ARHGAP24: variants seen among roughly 807,000 people sequenced by gnomAD.
ARHGAP24 encodes rho GTPase-activating protein 24.
Under a neutral mutation model 76.4 loss-of-function variants are expected in ARHGAP24, and 50 were observed. That is an observed-to-expected ratio of 0.65 (90% CI 0.52 to 0.83). ARHGAP24 has a LOEUF of 0.83. Among genes scored for constraint, ARHGAP24 ranks in the 40% least tolerant of loss-of-function variants. ARHGAP24 has a pLI of 0.00. For missense variants in ARHGAP24, 930 were observed against 914.2 expected (o/e 1.02, Z -0.22); for synonymous variants, 345 against 323.3 (o/e 1.07, Z -0.72).
At chr4:85,845,428 C>T (rs116819258) in intron 3 of ARHGAP24, among the ~76,000 whole-genome samples, 1 of 152,142 alleles carries the variant, frequency 6.6e-6, no homozygotes, top group Admixed American at 6.6e-5. Context: ...TAGTAAGTAG[C>T]AGTGTCTCAT....
chr4:85,586,615 T>C (rs556170653), intron 2 of ARHGAP24, among the ~76,000 whole-genome samples: 2 of 152,062 alleles, frequency 1.3e-5, no homozygotes, highest in Non-Finnish European at 2.9e-5. Flanking sequence ...AAGTTGAGAA[T>C]TGGGCCGGGC....
intron 3 of ARHGAP24, among the ~76,000 whole-genome samples, chr4:85,824,039 A>G (rs1199251964): frequency 6.6e-6 from 1 of 152,152 alleles, no homozygotes; most frequent in Non-Finnish European, 1.5e-5. Context: ...AAAAAAACAC[A>G]ATTATATTTA....
intron 1 of ARHGAP24, among the ~76,000 whole-genome samples, chr4:85,566,332 A>C (rs987974824): frequency 6.6e-5 from 10 of 152,204 alleles, no homozygotes; most frequent in Non-Finnish European, 1.5e-4. Flanking sequence ...AACTGTACTT[A>C]GTGTTAAACC....
intron 2 of ARHGAP24, among the ~76,000 whole-genome samples, chr4:85,684,562 A>G (rs959667967): frequency 6.6e-6 from 1 of 152,146 alleles, no homozygotes; most frequent in African/African-American, 2.4e-5. Flanking sequence ...GTCTAATTTC[A>G]TTTTATGCTG....
rs149493846 is a variant in ARHGAP24, at chr4:85,815,276, T to G, written c.268+93304T>G. 1.9e-3 allele frequency among the ~76,000 whole-genome samples: 294 copies of G among 152,330 alleles called. 1 individual carries two copies. Among genetic ancestry groups the G allele is most frequent in the South Asian group, 0.014 (68 of 4,826 alleles). On this transcript the variant is annotated intron_variant, in intron 3 of 9. Transcript: ENST00000395184. ...TTGGCTTCTCATTACCTATGCAAAT[T>G]TCTGCATCTTGAATTTCTCCTCAGA...
chr4:85,914,572 A>G (rs540259774), intron 3 of ARHGAP24, among the ~76,000 whole-genome samples: 5 of 152,344 alleles, frequency 3.3e-5, no homozygotes, highest in Admixed American at 3.3e-4. Context: ...AAAGTTCAAT[A>G]TAATTTCACA....
At chr4:85,994,217 G>C (rs1389889254) in intron 8 of ARHGAP24, among the ~76,000 whole-genome samples, 1 of 152,126 alleles carries the variant, frequency 6.6e-6, no homozygotes, top group Non-Finnish European at 1.5e-5. Flanking sequence ...AATAAACATT[G>C]TATTATGATT....
intron 3 of ARHGAP24, among the ~76,000 whole-genome samples, chr4:85,786,457 G>A (rs924573444): frequency 1.9e-4 from 29 of 152,174 alleles, no homozygotes; most frequent in African/African-American, 7.0e-4. Flanking sequence ...TGTAGCTCTT[G>A]AAATGGGAAT....
intron 2 of ARHGAP24, among the ~76,000 whole-genome samples, chr4:85,698,576 T>A (rs1723956368): frequency 6.6e-6 from 1 of 152,224 alleles, no homozygotes; most frequent in African/African-American, 2.4e-5. Context: ...AATCTCTTCC[T>A]GCTGCCTTAG....
intron 2 of ARHGAP24, among the ~76,000 whole-genome samples, chr4:85,670,552 T>C (rs925963063): frequency 1.3e-5 from 2 of 152,194 alleles, no homozygotes; most frequent in Non-Finnish European, 2.9e-5. Flanking sequence ...CTTCTCTTTG[T>C]GTCTCTTTTC....
At chr4:85,950,452 A>T (rs1737545194) in intron 5 of ARHGAP24, among the ~76,000 whole-genome samples, 1 of 151,984 alleles carries the variant, frequency 6.6e-6, no homozygotes, top group Non-Finnish European at 1.5e-5. Flanking sequence ...ATGAGTTATG[A>T]TCATACTGCT....
intron 1 of ARHGAP24, among the ~76,000 whole-genome samples, chr4:85,478,825 C>T (rs928819387): frequency 7.9e-5 from 12 of 152,176 alleles, no homozygotes; most frequent in African/African-American, 2.9e-4. Flanking sequence ...GAAAACTTAC[C>T]CAATTCCGTG....
chr4:85,872,973 A>G (rs896473688), intron 3 of ARHGAP24, among the ~76,000 whole-genome samples: 3 of 152,152 alleles, frequency 2.0e-5, no homozygotes, highest in Non-Finnish European at 4.4e-5. Flanking sequence ...TTAATGGCTT[A>G]TTTTGATTGG....
chr4:85,622,889 T>A (rs1578085544), intron 2 of ARHGAP24, among the ~76,000 whole-genome samples: 1 of 152,208 alleles, frequency 6.6e-6, no homozygotes, highest in Admixed American at 6.5e-5. Context: ...GCTGCATAAA[T>A]GTCTTCTTTT....
chr4:85,593,921 G>A (rs1728214773), intron 2 of ARHGAP24, among the ~76,000 whole-genome samples: 1 of 152,022 alleles, frequency 6.6e-6, no homozygotes, highest in Admixed American at 6.6e-5. Context: ...GCTCAGAATA[G>A]CTTTGGCTAT....
chr4:85,499,758 G>A (rs1266018977), intron 1 of ARHGAP24, among the ~76,000 whole-genome samples: 1 of 152,196 alleles, frequency 6.6e-6, no homozygotes, highest in Non-Finnish European at 1.5e-5. Context: ...GACTCATCTA[G>A]GTCTGTGCTG....
chr4:85,740,350 G>C (rs543569520), intron 3 of ARHGAP24, among the ~76,000 whole-genome samples: 1 of 151,784 alleles, frequency 6.6e-6, no homozygotes, highest in Admixed American at 6.6e-5. Flanking sequence ...AGCCTCCTGA[G>C]TAGCTGGGAT....
At chr4:85,961,871 T>C (rs1738278526) in intron 5 of ARHGAP24, among the ~76,000 whole-genome samples, 1 of 152,062 alleles carries the variant, frequency 6.6e-6, no homozygotes, top group Admixed American at 6.6e-5. Flanking sequence ...AAGTCCTTGG[T>C]TACATAATCT....
chr4:85,825,594 A>G (rs1176769913), intron 3 of ARHGAP24, among the ~76,000 whole-genome samples: 1 of 152,206 alleles, frequency 6.6e-6, no homozygotes, highest in Non-Finnish European at 1.5e-5. Context: ...ATACAGAAAG[A>G]CTTCTGAACT....
Sources: gnomAD v4.1 joint callset for allele counts (sites outside exome capture counted in the v4.1 genomes callset) on GRCh38, gnomAD v4.1.1 for gene constraint, MANE v1.5 for transcripts, NCBI Gene and HGNC (gene_info 2026-07-23, HGNC 2026-07-21) for gene names.